Variants in EFCAB3 observed in about 807,000 individuals in gnomAD.
The protein encoded by EFCAB3 is EF-hand calcium binding domain 3, also known as EF-hand calcium-binding domain-containing protein 3.
In EFCAB3, 36 loss-of-function variants were observed where a neutral mutation model predicts 42.2. That is an observed-to-expected ratio of 0.85 (90% CI 0.65 to 1.13). The LOEUF is 1.13. Among genes scored for constraint, EFCAB3 ranks in the 50% most tolerant of loss-of-function variants. The pLI, the probability that EFCAB3 is intolerant of heterozygous loss-of-function variation, is 0.00. For synonymous variants in EFCAB3, 170 were observed against 172.8 expected (o/e 0.98, Z 0.13); for missense variants, 418 against 505.1 (o/e 0.83, Z 1.65).
chr17:62,383,680 GT>G (rs1269803246), intron 2 of EFCAB3, among the ~76,000 whole-genome samples: 1 of 152,092 alleles, frequency 6.6e-6, no homozygotes, highest in Non-Finnish European at 1.5e-5. Context: ...AGGAGAAGCT[GT>G]TTTTATGTTA....
At chr17:62,379,965 A>G (rs2070182311), upstream of EFCAB3, among the ~76,000 whole-genome samples, 1 of 152,204 alleles carries the variant, frequency 6.6e-6, no homozygotes. Flanking sequence ...GCTGAGTAAA[A>G]TGTTTTAATT....
At chr17:62,376,508 C>T (rs541073533), upstream of EFCAB3, among the ~76,000 whole-genome samples, 73 of 152,234 alleles carry the variant, frequency 4.8e-4, no homozygotes, top group Admixed American at 7.9e-4. Context: ...TATTAAGGGA[C>T]AAATTTTATT....
At chr17:62,390,068 G>A (rs544776456) in intron 3 of EFCAB3, among the ~76,000 whole-genome samples, 2 of 152,114 alleles carry the variant, frequency 1.3e-5, no homozygotes, top group African/African-American at 2.4e-5. Context: ...TTACAGGCAT[G>A]AGCCACCGTG....
intron 8 of EFCAB3, among the ~76,000 whole-genome samples, chr17:62,412,361 C>CA (rs1237628464): frequency 0.14 from 9,110 of 65,292 alleles, 567 homozygotes; most frequent in South Asian, 0.28. Context: ...GACTCTGTCT[C>CA]AAAAAAAAAA....
chr17:62,377,309 A>G (rs572942250), upstream of EFCAB3, among the ~76,000 whole-genome samples: 152 of 152,310 alleles, frequency 1.0e-3, no homozygotes, highest in Middle Eastern at 3.4e-3. Context: ...TTAAAATAAT[A>G]CATTATTGGT....
At chr17:62,373,211 C>G (rs2070126502) in intron 1 of EFCAB3, among the ~76,000 whole-genome samples, 1 of 150,076 alleles carries the variant, frequency 6.7e-6, no homozygotes, top group Non-Finnish European at 1.5e-5. Flanking sequence ...ACCCAGGAGG[C>G]AGAGGTTGCA....
intron 2 of EFCAB3, among the ~76,000 whole-genome samples, chr17:62,374,418 G>T (rs2070135470): frequency 6.6e-6 from 1 of 152,120 alleles, no homozygotes; most frequent in Admixed American, 6.6e-5. Flanking sequence ...CCGAGATTGT[G>T]CCATTACACT....
Position 62,383,073 on chromosome 17 carries a change from G to A in EFCAB3, c.74+20G>A, listed in dbSNP as rs2070217550. The A allele has an allele frequency of 3.2e-6, 5 of 1,580,244 alleles. No individual in the cohort carries two copies. Among genetic ancestry groups the A allele is most frequent in the African/African-American group, 1.4e-5 (1 of 73,776 alleles). On this transcript the variant is annotated intron_variant, in intron 2 of 9. Transcript: ENST00000305286. Reference sequence around the variant, plus strand: ...TAAAAGGTAGGTAATGAATGATTAAGGGTGATAAATGTATTATGATAAAGA... The same window carrying A: ...TAAAAGGTAGGTAATGAATGATTAAAGGTGATAAATGTATTATGATAAAGA...
At chr17:62,408,729 C>G (rs1457660570) in intron 8 of EFCAB3, among the ~76,000 whole-genome samples, 4 of 152,200 alleles carry the variant, frequency 2.6e-5, no homozygotes, top group Non-Finnish European at 5.9e-5. Context: ...GATCTAGGCT[C>G]TCATTGCCTA....
At chr17:62,401,000 T>A (rs1248834875) in intron 6 of EFCAB3, among the ~76,000 whole-genome samples, 1 of 152,240 alleles carries the variant, frequency 6.6e-6, no homozygotes, top group Non-Finnish European at 1.5e-5. Flanking sequence ...TGAGATGGTA[T>A]CTCATTGTGG....
intron 8 of EFCAB3, among the ~76,000 whole-genome samples, chr17:62,410,008 T>C (rs2070481446): frequency 6.6e-6 from 1 of 152,012 alleles, no homozygotes; most frequent in Non-Finnish European, 1.5e-5. Flanking sequence ...GAGACCAGCC[T>C]GACCAACATG....
intron 6 of EFCAB3, among the ~76,000 whole-genome samples, chr17:62,402,656 C>G (rs966321790): frequency 1.3e-4 from 20 of 152,156 alleles, no homozygotes; most frequent in Admixed American, 9.2e-4. Flanking sequence ...GATCATGGTG[C>G]ATAAGCTTTT....
At chr17:62,380,821 G>C (rs1300175685) in intron 1 of EFCAB3, 1 of 157,898 alleles carries the variant, frequency 6.3e-6, no homozygotes, top group Non-Finnish European at 1.4e-5. Flanking sequence ...TTGTAATTGA[G>C]TTGTTTAGAA....
upstream of EFCAB3, chr17:62,378,160 C>A (rs2070165207): frequency 3.1e-6 from 2 of 652,050 alleles, no homozygotes; most frequent in Non-Finnish European, 2.5e-6. Context: ...TGAATGAACA[C>A]CGTTATCTCT....
intron 4 of EFCAB3, among the ~76,000 whole-genome samples, chr17:62,392,684 C>G (rs1285851258): frequency 6.6e-6 from 1 of 151,998 alleles, no homozygotes; most frequent in Non-Finnish European, 1.5e-5. Context: ...GTTGCCCAGG[C>G]TGGAGTGCAG....
chr17:62,399,794 T>C lies in EFCAB3; in HGVS notation c.488+4606T>C, dbSNP rs139590342. On this transcript the variant is annotated intron_variant, in intron 6 of 9. Coordinates refer to ENST00000305286, the MANE Select transcript of EFCAB3 (RefSeq NM_173503.4). ...CACTCCCTGTCCCCACTTCTCTGCT[T>C]TATTTTTCTTCATACTATTCATCAC... Among the ~76,000 whole-genome samples, 63 of 152,288 alleles carry C rather than the reference T, an allele frequency of 4.1e-4. No homozygotes were observed. In the East Asian group the frequency reaches 0.011, roughly 27 times the overall value.
At chr17:62,405,938 G>T (rs1302357184) in intron 6 of EFCAB3, among the ~76,000 whole-genome samples, 1 of 152,012 alleles carries the variant, frequency 6.6e-6, no homozygotes, top group Non-Finnish European at 1.5e-5. Context: ...TCTGCAATGA[G>T]AATTTCTTTT....
intron 8 of EFCAB3, among the ~76,000 whole-genome samples, chr17:62,412,113 C>T (rs1294513158): frequency 6.6e-6 from 1 of 151,892 alleles, no homozygotes; most frequent in African/African-American, 2.4e-5. Flanking sequence ...TGGTGGCTTA[C>T]ACCTGTAATC....
At chr17:62,387,246 C>A in intron 2 of EFCAB3, 94 bp from the exon 3 acceptor site, 2 of 888,492 alleles carry the variant, frequency 2.3e-6, no homozygotes, top group Non-Finnish European at 1.8e-6. Flanking sequence ...TGAGATGCTA[C>A]AGTCATTCCA....
Sources: allele counts gnomAD v4.1 joint callset (sites outside exome capture counted in the v4.1 genomes callset), GRCh38; gene constraint gnomAD v4.1.1; transcripts MANE v1.5; gene names NCBI Gene and HGNC (gene_info 2026-07-23, HGNC 2026-07-21).